CAMTA1: variants seen among roughly 807,000 people sequenced by gnomAD.
CAMTA1 encodes the protein calmodulin-binding transcription activator 1.
CAMTA1 carries 27 observed loss-of-function variants against 170.9 expected under a neutral mutation model. The ratio of observed to expected loss-of-function variants is 0.16; its 90% CI spans 0.12 to 0.22. CAMTA1 has a LOEUF of 0.22. Ranked by LOEUF, CAMTA1 falls within the 10% of genes least tolerant of loss-of-function variation. CAMTA1 has a pLI of 1.00. For synonymous variants in CAMTA1, 833 were observed against 891.5 expected (o/e 0.93, Z 1.17); for missense variants, 1,619 against 2,217.2 (o/e 0.73, Z 5.42).
chr1:7,403,827 C>G (rs376887108), intron 5 of CAMTA1, among the ~76,000 whole-genome samples: 1 of 152,066 alleles, frequency 6.6e-6, no homozygotes, highest in African/African-American at 2.4e-5. Context: ...GAATCCTCAC[C>G]GCAACCCCCC....
intron 6 of CAMTA1, among the ~76,000 whole-genome samples, chr1:7,604,027 T>C (rs963594790): frequency 2.0e-5 from 3 of 152,240 alleles, no homozygotes; most frequent in Non-Finnish European, 4.4e-5. Context: ...CTCTTCTGGC[T>C]TGTAGAGTTT....
At chr1:6,810,967 G>A (rs760628099) in intron 1 of CAMTA1, among the ~76,000 whole-genome samples, 6 of 152,170 alleles carry the variant, frequency 3.9e-5, no homozygotes, top group Non-Finnish European at 7.3e-5. Context: ...TTTCAGAGGC[G>A]GAAGTTTTGG....
intron 5 of CAMTA1, among the ~76,000 whole-genome samples, chr1:7,283,352 G>A (rs1054255363): frequency 6.6e-6 from 1 of 152,146 alleles, no homozygotes; most frequent in African/African-American, 2.4e-5. Flanking sequence ...CCCTCCTCAA[G>A]TTTTGGGCAA....
chr1:7,416,175 C>G (rs952797849), intron 5 of CAMTA1, among the ~76,000 whole-genome samples: 3 of 152,174 alleles, frequency 2.0e-5, no homozygotes, highest in Admixed American at 2.0e-4. Context: ...CGACCTTTCT[C>G]TCTGGCTGCC....
At chr1:7,039,758 A>G (rs1425109441) in intron 3 of CAMTA1, among the ~76,000 whole-genome samples, 1 of 152,152 alleles carries the variant, frequency 6.6e-6, no homozygotes, top group African/African-American at 2.4e-5. Flanking sequence ...TTTTCTCTTC[A>G]TTTCTGTGGG....
intron 3 of CAMTA1, among the ~76,000 whole-genome samples, chr1:7,082,975 T>C (rs1640232822): frequency 6.6e-6 from 1 of 152,230 alleles, no homozygotes; most frequent in Admixed American, 6.5e-5. Flanking sequence ...TTAGGGCCTT[T>C]CATAGTGCCT....
At chr1:7,628,527 A>T (rs565755473) in intron 6 of CAMTA1, among the ~76,000 whole-genome samples, 1 of 152,168 alleles carries the variant, frequency 6.6e-6, no homozygotes, top group African/African-American at 2.4e-5. Context: ...ATCATGTAGC[A>T]CCTCTCAGTC....
intron 11 of CAMTA1, among the ~76,000 whole-genome samples, chr1:7,679,844 G>A (rs2096169150): frequency 6.6e-6 from 1 of 152,270 alleles, no homozygotes; most frequent in Non-Finnish European, 1.5e-5. Flanking sequence ...GGGCCCTGCA[G>A]AGAGCAGATC....
intron 5 of CAMTA1, among the ~76,000 whole-genome samples, chr1:7,260,209 T>G (rs1335846504): frequency 6.6e-6 from 1 of 152,234 alleles, no homozygotes; most frequent in Non-Finnish European, 1.5e-5. Context: ...GGTCCACTCC[T>G]GTTTTAGATT....
At chr1:7,380,887 G>A (rs1038772180) in intron 5 of CAMTA1, among the ~76,000 whole-genome samples, 4 of 152,168 alleles carry the variant, frequency 2.6e-5, no homozygotes, top group Non-Finnish European at 5.9e-5. Context: ...CAGCAGCAGT[G>A]GCCACGGGAC....
intron 5 of CAMTA1, among the ~76,000 whole-genome samples, chr1:7,285,727 A>C (rs1574439260): frequency 6.6e-6 from 1 of 152,052 alleles, no homozygotes; most frequent in East Asian, 1.9e-4. Flanking sequence ...CTTTATTCTA[A>C]ACCAGAGATT....
In CAMTA1 at chr1:7,007,481, G is replaced by A. The variant is rs1395648283; in HGVS notation, c.235-83823G>A. 3.3e-5 allele frequency among the ~76,000 whole-genome samples: 5 copies of A among 152,240 alleles called. No homozygotes were observed. The highest frequency in any genetic ancestry group is 1.9e-4 in the East Asian group (1 of 5,182). ...TTCCCTCGCCTCGAGAACCCCAAGC[G>A]AATTCCCACTTCCCACAGGAAGTAG... On this transcript the variant is annotated intron_variant, in intron 3 of 22. Coordinates refer to ENST00000303635, the MANE Select transcript of CAMTA1 (RefSeq NM_015215.4). This position sits in a 1 kb window ranked among gnomAD's most constrained non-coding sequence, Gnocchi z 4.5.
chr1:7,126,812 C>G (rs949592921), intron 4 of CAMTA1, among the ~76,000 whole-genome samples: 2 of 152,122 alleles, frequency 1.3e-5, no homozygotes, highest in African/African-American at 2.4e-5. Flanking sequence ...GCTCTGTCAC[C>G]CAGGCTGGAG....
At chr1:7,669,727 G>A (rs1010820851) in intron 9 of CAMTA1, among the ~76,000 whole-genome samples, 1 of 152,188 alleles carries the variant, frequency 6.6e-6, no homozygotes, top group Non-Finnish European at 1.5e-5. Context: ...GGGTGGGGTG[G>A]ATGGCGCCTC....
At chr1:7,111,140 C>A (rs1478274858) in intron 4 of CAMTA1, among the ~76,000 whole-genome samples, 1 of 152,232 alleles carries the variant, frequency 6.6e-6, no homozygotes, top group African/African-American at 2.4e-5. Context: ...GACCTCCTCT[C>A]CTGAGTCCCC....
Position 7,010,533 on chromosome 1 carries a change from A to G in CAMTA1, c.235-80771A>G, listed in dbSNP as rs1699634118. 6.6e-6 allele frequency among the ~76,000 whole-genome samples: 1 copy of G among 152,194 alleles called. No homozygotes were observed. Among genetic ancestry groups the G allele is most frequent in the Admixed American group, 6.5e-5 (1 of 15,284 alleles). ...TTTGACAAATAGACTTTGGAGGTGG[A>G]AAGACCTGAGTTCAAATCTCGGACC... On this transcript the variant is annotated intron_variant, in intron 3 of 22. Coordinates refer to ENST00000303635, the MANE Select transcript of CAMTA1 (RefSeq NM_015215.4). This position sits in a 1 kb window ranked among gnomAD's most constrained non-coding sequence, Gnocchi z 4.4.
intron 5 of CAMTA1, among the ~76,000 whole-genome samples, chr1:7,254,171 T>C (rs6577427): frequency 0.13 from 19,161 of 152,156 alleles, 3,285 homozygotes; most frequent in African/African-American, 0.38. Flanking sequence ...AATCAGCCAA[T>C]GTGACTTGAA....
At chr1:7,125,128 C>T (rs1208538161) in intron 4 of CAMTA1, among the ~76,000 whole-genome samples, 1 of 152,140 alleles carries the variant, frequency 6.6e-6, no homozygotes, top group Non-Finnish European at 1.5e-5. Context: ...AGCAACGCCT[C>T]TGCATCTACA....
At chr1:6,836,210 C>A (rs1653029761) in intron 3 of CAMTA1, among the ~76,000 whole-genome samples, 1 of 152,076 alleles carries the variant, frequency 6.6e-6, no homozygotes, top group South Asian at 2.1e-4. Context: ...AAAAAATAAC[C>A]TAAGTTTTAC....
Sources: allele counts gnomAD v4.1 joint callset (sites outside exome capture counted in the v4.1 genomes callset), GRCh38; gene constraint gnomAD v4.1.1; non-coding constraint Gnocchi (gnomAD v3.1); transcripts MANE v1.5; gene names NCBI Gene and HGNC (gene_info 2026-07-23, HGNC 2026-07-21).